DSC2: variants seen among roughly 807,000 people sequenced by gnomAD.
DSC2 encodes the protein desmocollin-2.
In DSC2, 51 loss-of-function variants were observed where a neutral mutation model predicts 87.6. The ratio of observed to expected loss-of-function variants is 0.58; its 90% CI spans 0.46 to 0.74. DSC2 has a LOEUF of 0.74. Ranked by LOEUF, DSC2 falls within the 30% of genes least tolerant of loss-of-function variation. The probability of loss-of-function intolerance (pLI) is 0.00; values close to 1 mark genes in which losing one functional copy is unlikely to be tolerated. For synonymous variants in DSC2, 383 were observed against 393.2 expected, an observed-to-expected ratio of 0.97 and a Z score of 0.31; for missense variants, 1,066 against 1,089.5, an observed-to-expected ratio of 0.98 and a Z score of 0.30.
At position 31,080,224 on chromosome 18, in the gene DSC2, ATCT is replaced by A. The variant is rs1278294374; in HGVS notation, c.1389_1391del (p.Glu463del). 2.5e-6 allele frequency: 4 copies of A among 1,614,038 alleles called. No homozygotes were observed. The Admixed American group carries it at 5.0e-5, about 20-fold the overall frequency. ...GGTTACACTCAGGGCCCTCATCCTG[ATCT>A]TCTACATTAACAGTAACTGTTGCTG... On this transcript the variant is annotated inframe_deletion, in exon 10 of 16. Transcript: ENST00000280904.
rs1986539111 is a variant in DSC2, at chr18:31,063,399, C to G, written c.*4616G>C. On this transcript the variant is annotated 3_prime_UTR_variant, in exon 16 of 16. Coordinates refer to ENST00000280904, the MANE Select transcript of DSC2 (RefSeq NM_024422.6). Reference sequence around the variant, plus strand: ...TGCAATTGTGAACACCTTTCTTGGTCCTTAGTGTCCTACATGAAAGAAAAG... The same window carrying G: ...TGCAATTGTGAACACCTTTCTTGGTGCTTAGTGTCCTACATGAAAGAAAAG... The G allele has an allele frequency of 6.6e-6, 1 of 151,538 alleles. No individual in the cohort carries two copies. The highest frequency in any genetic ancestry group is 1.5e-5 in the Non-Finnish European group (1 of 67,962). The allele number at this position is 151,538 out of a possible 1,614,324, so 9.4% of individuals were successfully genotyped here.
Position 31,086,644 on chromosome 18 carries a change from G to A in DSC2, c.874C>T (p.Pro292Ser), listed in dbSNP as rs767340313. The change falls in exon 7 of 16, where the codon CCC (proline) becomes TCC (serine). Residue 292 changes from proline to serine, a missense_variant. Pro to Ser is a moderately conservative substitution (Grantham distance 74, BLOSUM62 -1). Transcript: ENST00000280904. ...YSIIGQVPPS[P>S]TLFSMHPTTG... is the part of the protein sequence containing the mutation. ...GTTGGATGCATAGAAAATAGGGTGG[G>A]TGATGGTGGCACCTGCCCAATGATG... The A allele has an allele frequency of 6.8e-6, 11 of 1,614,030 alleles. No individual in the cohort carries two copies. The highest frequency in any genetic ancestry group is 1.6e-4 in the Middle Eastern group (1 of 6,080).
chr18:31,090,187 C>T (rs1361521366), intron 4 of DSC2, among the ~76,000 whole-genome samples: 1 of 152,174 alleles, frequency 6.6e-6, no homozygotes, highest in Non-Finnish European at 1.5e-5. Flanking sequence ...TTCATCCTCT[C>T]AGTAACATCC....
intron 2 of DSC2, among the ~76,000 whole-genome samples, chr18:31,093,170 T>C (rs1259720061): frequency 2.0e-5 from 3 of 152,226 alleles, no homozygotes; most frequent in Non-Finnish European, 4.4e-5. Context: ...AGGGTACATG[T>C]GCAGGATGTG....
chr18:31,097,156 C>A (rs962902061), intron 1 of DSC2, among the ~76,000 whole-genome samples: 1 of 151,528 alleles, frequency 6.6e-6, no homozygotes, highest in African/African-American at 2.4e-5. Context: ...GGCGTGGTGG[C>A]GGGCACCGGT....
chr18:31,094,647 T>C (rs750822309), intron 1 of DSC2, among the ~76,000 whole-genome samples: 10 of 152,210 alleles, frequency 6.6e-5, no homozygotes, highest in Admixed American at 2.0e-4. Flanking sequence ...TTTATAAATA[T>C]AAACTAAAAT....
rs910911136 is a variant in DSC2 at position 31,067,290 on chromosome 18, CAGAGAG to C, written c.*719_*724del. 1.4e-5 allele frequency: 2 copies of C among 144,446 alleles called. No homozygotes were observed. Among genetic ancestry groups the C allele is most frequent in the African/African-American group, 5.1e-5 (2 of 39,222 alleles). 8.9% of individuals were successfully genotyped at this position (144,446 alleles called of 1,614,324 possible). A position where few individuals can be genotyped will look rare whatever the true frequency, so the allele number is the denominator to read the frequency against. ...AACTGGAGAGAGAAACAGAAAGAGACAGAGAGAAAGAGAGAGATGCTACTTGACATT... is the reference window on the plus strand; with the variant it reads ...AACTGGAGAGAGAAACAGAAAGAGACAAAGAGAGAGATGCTACTTGACATT... On this transcript the variant is annotated 3_prime_UTR_variant, in exon 16 of 16. Coordinates refer to ENST00000280904, the MANE Select transcript of DSC2 (RefSeq NM_024422.6).
intron 11 of DSC2, among the ~76,000 whole-genome samples, chr18:31,076,014 C>T (rs1182402408): frequency 6.6e-6 from 1 of 152,136 alleles, no homozygotes; most frequent in African/African-American, 2.4e-5. Flanking sequence ...TGAAACTGAA[C>T]ACAAACCCAG....
intron 1 of DSC2, chr18:31,101,576 TCCCGCCCCGGCGCAC>T (rs1567987048): frequency 1.6e-5 from 5 of 306,930 alleles, no homozygotes; most frequent in African/African-American, 1.3e-4. Context: ...CCCGGCGCAC[TCCCGCCCCGGCGCAC>T]CCTGCTCCCC....
intron 2 of DSC2, among the ~76,000 whole-genome samples, chr18:31,092,737 CATTGG>C (rs1320719033): frequency 6.6e-6 from 1 of 152,010 alleles, no homozygotes; most frequent in East Asian, 1.9e-4. Context: ...TTTATGCTAT[CATTGG>C]ATTGATCTTT....
chr18:31,101,480 A>C (rs1030665849), intron 1 of DSC2: 8 of 149,916 alleles, frequency 5.3e-5, no homozygotes, highest in African/African-American at 1.9e-4. Flanking sequence ...AGGGAGCCGC[A>C]CGTTCCCGGG....
chr18:31,090,996 G>A (rs770384573), intron 4 of DSC2, 32 bp downstream of exon 4: 1 of 1,613,584 alleles, frequency 6.2e-7, no homozygotes, highest in Admixed American at 1.7e-5. Context: ...GGAAACTATA[G>A]ACTCCCACAG....
At chr18:31,093,839 G>T (rs1043648285) in intron 1 of DSC2, among the ~76,000 whole-genome samples, 196 bp from the exon 2 acceptor site, 16 of 148,610 alleles carry the variant, frequency 1.1e-4, no homozygotes, top group East Asian at 5.9e-4. Flanking sequence ...ATAAATACAT[G>T]AATTTATATT....
intron 3 of DSC2, 130 bp downstream of exon 3, chr18:31,091,971 T>A: frequency 1.2e-6 from 1 of 865,052 alleles, no homozygotes; most frequent in Non-Finnish European, 1.8e-6. Flanking sequence ...CACTGTGAAG[T>A]TGCCTCATGG....
rs180863872 is a variant in DSC2, at chr18:31,070,838, G to T, written c.2138C>A (p.Thr713Lys). The change falls in exon 14 of 16, where the codon ACG becomes AAG. Residue 713 changes from threonine to lysine, a missense_variant. By Grantham distance (78) the Thr-to-Lys change is moderately conservative. Coordinates refer to ENST00000280904, the MANE Select transcript of DSC2 (RefSeq NM_024422.6). The part of the protein sequence containing the change: ...GIALLFCILF[T>K]LVCGASGTSK... ...CGTCCCAGAAGCCCCACAGACCAGC[G>T]TAAACAGGATGCCTGGAGGAAGAAA... 1 of 1,613,708 alleles carries T rather than the reference G, an allele frequency of 6.2e-7. No homozygotes were observed. Among genetic ancestry groups the T allele is most frequent in the East Asian group, 2.2e-5 (1 of 44,844 alleles).
rs760328439 is a variant in DSC2, at chr18:31,068,222, G to A, written c.2509-10C>T. The stretch of plus-strand genomic sequence containing the variant: ...TACACAGATACACTTTCTGCCAAGG[G>A]GAAAAACACAACGTTTTTATTATTA... On this transcript the variant is annotated splice_polypyrimidine_tract_variant and intron_variant, in intron 15 of 15. Transcript: ENST00000280904. 8 of 1,613,810 alleles carry A rather than the reference G, an allele frequency of 5.0e-6. No individual in the cohort carries two copies. Among genetic ancestry groups the A allele is most frequent in the Non-Finnish European group, 6.8e-6 (8 of 1,179,902 alleles).
chr18:31,097,079 G>C (rs2144858587), intron 1 of DSC2, among the ~76,000 whole-genome samples: 1 of 151,910 alleles, frequency 6.6e-6, no homozygotes, highest in South Asian at 2.1e-4. Flanking sequence ...TCAGGAGATA[G>C]AGACCATCCT....
intron 7 of DSC2, among the ~76,000 whole-genome samples, chr18:31,083,834 TC>T (rs1987311567): frequency 6.6e-6 from 1 of 152,206 alleles, no homozygotes. Flanking sequence ...AAAGTGTTTC[TC>T]CTTATAACTT....
Position 31,060,639 on chromosome 18 carries a change from T to G in DSC2, c.*7376A>C, listed in dbSNP as rs188859214. ...CTAGTTCTATTTATCTCTGGAGATT[T>G]GGCAATTCTGATTTTTAAAAATATA... On this transcript the variant is annotated 3_prime_UTR_variant, in exon 16 of 16. Coordinates refer to ENST00000280904, the MANE Select transcript of DSC2 (RefSeq NM_024422.6). The G allele has an allele frequency of 1.3e-5, 2 of 152,354 alleles. No homozygotes were observed. Among genetic ancestry groups the G allele is most frequent in the African/African-American group, 4.8e-5 (2 of 41,588 alleles). The allele number at this position is 152,354 out of a possible 1,614,324, so 9.4% of individuals were successfully genotyped here.
Sources: gnomAD v4.1 joint callset for allele counts (sites outside exome capture counted in the v4.1 genomes callset) on GRCh38, gnomAD v4.1.1 for gene constraint, MANE v1.5 for transcripts, NCBI Gene and HGNC (gene_info 2026-07-23, HGNC 2026-07-21) for gene names.